PTGER3: variants seen among roughly 807,000 people sequenced by gnomAD.
PTGER3 encodes prostaglandin E receptor 3.
A neutral mutation model predicts 34.7 loss-of-function variants in PTGER3; 22 were observed. The observed-to-expected ratio is 0.63, with a 90% CI of 0.45 to 0.91. The LOEUF (loss-of-function observed/expected upper bound fraction) is 0.91, where lower values mean the gene tolerates loss of function less well. Ranked by LOEUF, PTGER3 falls within the 40% of genes least tolerant of loss-of-function variation. PTGER3 has a pLI of 0.00. For missense variants in PTGER3, 468 were observed against 519.4 expected (o/e 0.90, Z 0.96); for synonymous variants, 241 against 230.1 (o/e 1.05, Z -0.43).
intron 2 of PTGER3, among the ~76,000 whole-genome samples, chr1:70,995,621 T>C (rs955028477): frequency 5.9e-5 from 9 of 152,166 alleles, no homozygotes; most frequent in African/African-American, 2.2e-4. Context: ...ATTATAGTAA[T>C]AACATGATGT....
intron 4 of PTGER3, among the ~76,000 whole-genome samples, chr1:70,902,466 C>T (rs1177089482): frequency 2.0e-5 from 3 of 152,162 alleles, no homozygotes; most frequent in Admixed American, 6.5e-5. Context: ...AAAAACAACA[C>T]TCAGTTTCAT....
At chr1:71,015,340 G>T (rs185579325) in intron 1 of PTGER3, among the ~76,000 whole-genome samples, 1 of 152,146 alleles carries the variant, frequency 6.6e-6, no homozygotes, top group African/African-American at 2.4e-5. Flanking sequence ...GATTTAAAGT[G>T]GACATAACAT....
At chr1:71,024,292 T>C (rs1249012330) in intron 1 of PTGER3, among the ~76,000 whole-genome samples, 1 of 152,194 alleles carries the variant, frequency 6.6e-6, no homozygotes, top group Non-Finnish European at 1.5e-5. Flanking sequence ...ACTTATTTCG[T>C]GCGTGGTCTT....
At chr1:71,018,846 C>G (rs1326960450) in intron 1 of PTGER3, among the ~76,000 whole-genome samples, 1 of 152,032 alleles carries the variant, frequency 6.6e-6, no homozygotes, top group Non-Finnish European at 1.5e-5. Context: ...ACTGTAATTT[C>G]CTATTGAGAA....
At chr1:71,018,737 C>T (rs1658141172) in intron 1 of PTGER3, among the ~76,000 whole-genome samples, 1 of 152,008 alleles carries the variant, frequency 6.6e-6, no homozygotes, top group Admixed American at 6.5e-5. Context: ...TTACACAGTC[C>T]TCCTTGATTA....
chr1:70,889,513 G>T (rs1029744855), intron 4 of PTGER3, among the ~76,000 whole-genome samples: 1 of 151,630 alleles, frequency 6.6e-6, no homozygotes, highest in Admixed American at 6.6e-5. Context: ...TTCTCTGTTG[G>T]ACAAATTTAG....
chr1:70,966,971 G>A (rs1300040627), downstream of PTGER3, among the ~76,000 whole-genome samples: 1 of 151,956 alleles, frequency 6.6e-6, no homozygotes, highest in African/African-American at 2.4e-5. Flanking sequence ...CCCAGTAATA[G>A]GATTACTGGG....
At chr1:70,906,548 T>C (rs1223001072) in intron 4 of PTGER3, among the ~76,000 whole-genome samples, 1 of 152,236 alleles carries the variant, frequency 6.6e-6, no homozygotes, top group African/African-American at 2.4e-5. Flanking sequence ...TGGCATCAAT[T>C]GATCTAGGCA....
intron 4 of PTGER3, among the ~76,000 whole-genome samples, chr1:70,946,337 C>A (rs545671980): frequency 6.6e-6 from 1 of 152,252 alleles, no homozygotes; most frequent in South Asian, 2.1e-4. Context: ...TCCCAGTTTA[C>A]AAATGAAGTG....
At chr1:70,907,989 C>G (rs1175569199) in intron 4 of PTGER3, among the ~76,000 whole-genome samples, 1 of 152,146 alleles carries the variant, frequency 6.6e-6, no homozygotes, top group Non-Finnish European at 1.5e-5. Flanking sequence ...GTGAGTGGAG[C>G]AGGTTCACTG....
intron 1 of PTGER3, among the ~76,000 whole-genome samples, chr1:71,042,286 TG>T (rs893428443): frequency 6.7e-6 from 1 of 150,176 alleles, no homozygotes; most frequent in Non-Finnish European, 1.5e-5. Flanking sequence ...GGCTGGGTTT[TG>T]GGACACACTT....
At position 70,971,692 on chromosome 1, in the gene PTGER3, G is replaced by A. The variant is rs1445107010; in HGVS notation, c.*38C>T. On this transcript the variant is annotated 3_prime_UTR_variant, in exon 4 of 4. Transcript: ENST00000306666. ...GGAAGAAATATGCAAATTCAGGGAA[G>A]CAGGAATTGCAATAAAATGTCCAAC... 1 of 1,552,156 alleles carries A rather than the reference G, an allele frequency of 6.4e-7. No homozygotes were observed. Among genetic ancestry groups the A allele is most frequent in the African/African-American group, 1.4e-5 (1 of 72,458 alleles).
chr1:70,888,964 A>C (rs1355155123), intron 4 of PTGER3, among the ~76,000 whole-genome samples: 1 of 150,998 alleles, frequency 6.6e-6, no homozygotes, highest in East Asian at 2.0e-4. Flanking sequence ...GCAGGAGTGT[A>C]GTAGGTTTTT....
chr1:70,925,427 A>G (rs1207285653), intron 4 of PTGER3, among the ~76,000 whole-genome samples: 5 of 152,226 alleles, frequency 3.3e-5, no homozygotes, highest in East Asian at 3.8e-4. Flanking sequence ...ACTGCTGGAT[A>G]TATTCTTGAA....
intron 2 of PTGER3, among the ~76,000 whole-genome samples, chr1:70,999,058 T>A (rs1174871397): frequency 6.6e-6 from 1 of 152,188 alleles, no homozygotes; most frequent in African/African-American, 2.4e-5. Context: ...CGGGCGCCTG[T>A]AGTCCCAGCT....
Position 70,973,217 on chromosome 1 carries a change from TA to T in PTGER3, c.1169+1079del, listed in dbSNP as rs1347724211. ...TATAGATAGATGATAGATAGATAGA[TA>T]GATGATAGATAGATAGATAGATAGA... On this transcript the variant is annotated intron_variant, in intron 3 of 3. Transcript: ENST00000306666. Among the ~76,000 whole-genome samples, 820 of 128,924 alleles carry T rather than the reference TA, an allele frequency of 6.4e-3. 2 individuals are homozygous for T. The highest frequency in any genetic ancestry group is 0.014 in the Admixed American group (177 of 12,602). The allele number at this position is 128,924 out of a possible 152,430, so 84.6% of individuals were successfully genotyped here. A position where few individuals can be genotyped will look rare whatever the true frequency, so the allele number is the denominator to read the frequency against.
Position 70,989,865 on chromosome 1 carries a change from A to G in PTGER3, c.1078-15477T>C, listed in dbSNP as rs181899155. 1.7e-3 allele frequency among the ~76,000 whole-genome samples: 265 copies of G among 152,242 alleles called. 2 individuals are homozygous for G. Among genetic ancestry groups the G allele is most frequent in the Non-Finnish European group, 2.6e-3 (179 of 68,034 alleles). On this transcript the variant is annotated intron_variant, in intron 2 of 3. Coordinates refer to ENST00000306666, the MANE Select transcript of PTGER3 (RefSeq NM_198719.2). Reference sequence around the variant, plus strand: ...AAGTGCCTTCTGAATTATCAAAAACATATTACCAGTCAATGGAACCTACAC... The same window carrying G: ...AAGTGCCTTCTGAATTATCAAAAACGTATTACCAGTCAATGGAACCTACAC...
At chr1:70,970,582 A>G (rs1652970372), downstream of PTGER3, among the ~76,000 whole-genome samples, 1 of 152,126 alleles carries the variant, frequency 6.6e-6, no homozygotes, top group Admixed American at 6.5e-5. Context: ...TCGCTTCCCA[A>G]GATGTCCTAT....
At chr1:71,041,475 C>CT (rs1367940232) in intron 1 of PTGER3, among the ~76,000 whole-genome samples, 1 of 152,160 alleles carries the variant, frequency 6.6e-6, no homozygotes, top group African/African-American at 2.4e-5. Flanking sequence ...GTTGAAAAAG[C>CT]ATAGGTCAGA....
Sources: gnomAD v4.1 joint callset for allele counts (sites outside exome capture counted in the v4.1 genomes callset) on GRCh38, gnomAD v4.1.1 for gene constraint, MANE v1.5 for transcripts, NCBI Gene and HGNC (gene_info 2026-07-23, HGNC 2026-07-21) for gene names.